The following DRC11 variants were observed in gnomAD, a reference collection of about 807,000 sequenced individuals.
DRC11 encodes dynein regulatory complex subunit 11, also known as IQ and AAA domain-containing protein 1.
the DRC11 span, among the ~76,000 whole-genome samples, chr2:236,445,917 G>C: frequency 6.6e-6 from 1 of 152,210 alleles, no homozygotes; most frequent in Non-Finnish European, 1.5e-5. The surrounding 1 kb of genome is among the most constrained non-coding windows in gnomAD (Gnocchi z 4.8). Flanking sequence ...CCCGTGGGTG[G>C]CTAGAAGGCC....
the DRC11 span, among the ~76,000 whole-genome samples, chr2:236,439,911 G>A: frequency 9.2e-5 from 14 of 152,008 alleles, no homozygotes; most frequent in Non-Finnish European, 4.4e-5. Flanking sequence ...TCATTATTAA[G>A]AAAAACTAAA....
At chr2:236,358,087 A>T in the DRC11 span, among the ~76,000 whole-genome samples, 1 of 121,010 alleles carries the variant, frequency 8.3e-6, no homozygotes, top group South Asian at 2.5e-4. Context: ...TAATATATAG[A>T]TATATACCAT....
At chr2:236,318,640 TTGTA>T in the DRC11 span, among the ~76,000 whole-genome samples, 26,174 of 150,862 alleles carry the variant, frequency 0.17, 2,429 homozygotes, top group Middle Eastern at 0.22. This position sits in a 1 kb window ranked among gnomAD's most constrained non-coding sequence, Gnocchi z 7.0. Context: ...TCGTTTGTGT[TTGTA>T]TGTGTGCATG....
the DRC11 span, among the ~76,000 whole-genome samples, chr2:236,382,740 T>C: frequency 6.6e-6 from 1 of 152,214 alleles, no homozygotes; most frequent in Admixed American, 6.5e-5. Context: ...GTCTATGTAT[T>C]CATTGATGAT....
chr2:236,358,553 C>T, the DRC11 span, among the ~76,000 whole-genome samples: 7 of 144,934 alleles, frequency 4.8e-5, no homozygotes, highest in South Asian at 4.4e-4. Context: ...CTACCACCCC[C>T]GCCACCCCCC....
the DRC11 span, among the ~76,000 whole-genome samples, chr2:236,370,518 G>C: frequency 2.6e-5 from 4 of 152,000 alleles, no homozygotes; most frequent in Admixed American, 6.5e-5. The surrounding 1 kb of genome is among the most constrained non-coding windows in gnomAD (Gnocchi z 5.5). Context: ...AGGTCTGGGG[G>C]GCCTTCATGG....
the DRC11 span, among the ~76,000 whole-genome samples, chr2:236,478,662 G>T: frequency 6.6e-6 from 1 of 152,100 alleles, no homozygotes; most frequent in African/African-American, 2.4e-5. The surrounding 1 kb of genome is among the most constrained non-coding windows in gnomAD (Gnocchi z 5.9). Flanking sequence ...TTGTATTGCA[G>T]TATATCTCTC....
At chr2:236,358,398 C>A in the DRC11 span, among the ~76,000 whole-genome samples, 193 of 126,998 alleles carry the variant, frequency 1.5e-3, no homozygotes, top group Middle Eastern at 5.0e-3. Flanking sequence ...ATATGAATAT[C>A]ATATATAAAT....
the DRC11 span, among the ~76,000 whole-genome samples, chr2:236,309,792 G>C: frequency 7.8e-6 from 1 of 128,742 alleles, no homozygotes; most frequent in Non-Finnish European, 1.5e-5. The surrounding 1 kb of genome is among the most constrained non-coding windows in gnomAD (Gnocchi z 5.7). Flanking sequence ...ACTGGACCCC[G>C]GGCAGGTGCC....
the DRC11 span, among the ~76,000 whole-genome samples, chr2:236,428,057 T>C: frequency 6.6e-6 from 1 of 152,172 alleles, no homozygotes; most frequent in Non-Finnish European, 1.5e-5. Flanking sequence ...TTTTTCCTTT[T>C]ATTGTTCCTG....
chr2:236,328,771 C>T, the DRC11 span, among the ~76,000 whole-genome samples: 53 of 152,270 alleles, frequency 3.5e-4, no homozygotes, highest in African/African-American at 1.1e-3. This position sits in a 1 kb window ranked among gnomAD's most constrained non-coding sequence, Gnocchi z 6.7. Flanking sequence ...TAATGAAGTT[C>T]GCTTTGGGGA....
the DRC11 span, chr2:236,408,209 C>T: frequency 3.5e-5 from 27 of 771,754 alleles, no homozygotes; most frequent in Admixed American, 8.6e-5. This position sits in a 1 kb window ranked among gnomAD's most constrained non-coding sequence, Gnocchi z 5.5. Flanking sequence ...TAGCCCTGGC[C>T]GATCTTAGAG....
the DRC11 span, among the ~76,000 whole-genome samples, chr2:236,416,721 T>TA: frequency 3.1e-5 from 2 of 64,248 alleles, no homozygotes; most frequent in Non-Finnish European, 5.8e-5. Context: ...ATATATATAT[T>TA]TATATATATA....
the DRC11 span, among the ~76,000 whole-genome samples, chr2:236,490,225 C>CTT: frequency 2.0e-5 from 3 of 152,202 alleles, no homozygotes; most frequent in Admixed American, 1.3e-4. This position sits in a 1 kb window ranked among gnomAD's most constrained non-coding sequence, Gnocchi z 5.5. Context: ...CAAGAGCAAA[C>CTT]TCCAAGGCTG....
the DRC11 span, chr2:236,391,961 T>C: frequency 4.3e-6 from 7 of 1,609,792 alleles, no homozygotes; most frequent in Non-Finnish European, 6.0e-6. The surrounding 1 kb of genome is among the most constrained non-coding windows in gnomAD (Gnocchi z 4.5). Flanking sequence ...CTCTGCAGGC[T>C]CCTTCCCCAC....
At chr2:236,477,335 A>G in the DRC11 span, among the ~76,000 whole-genome samples, 1 of 152,244 alleles carries the variant, frequency 6.6e-6, no homozygotes, top group Non-Finnish European at 1.5e-5. Flanking sequence ...GTAAGCGAGA[A>G]AAAAGAAAAT....
At chr2:236,402,009 C>T in the DRC11 span, among the ~76,000 whole-genome samples, 3 of 152,226 alleles carry the variant, frequency 2.0e-5, no homozygotes, top group African/African-American at 7.2e-5. The surrounding 1 kb of genome is among the most constrained non-coding windows in gnomAD (Gnocchi z 6.0). Flanking sequence ...CATGAGAATA[C>T]AACACAACCA....
chr2:236,447,206 A>T, the DRC11 span, among the ~76,000 whole-genome samples: 1 of 151,614 alleles, frequency 6.6e-6, no homozygotes, highest in Non-Finnish European at 1.5e-5. This position sits in a 1 kb window ranked among gnomAD's most constrained non-coding sequence, Gnocchi z 4.6. Flanking sequence ...TCATAGTCAC[A>T]TGCAGACGTC....
At chr2:236,380,661 A>T in the DRC11 span, 37 of 1,510,390 alleles carry the variant, frequency 2.4e-5, no homozygotes, top group East Asian at 4.9e-4. This position sits in a 1 kb window ranked among gnomAD's most constrained non-coding sequence, Gnocchi z 4.9. Flanking sequence ...GAAATAACCA[A>T]CAATTTAGTC....
Sources: gnomAD v4.1 joint callset for allele counts (sites outside exome capture counted in the v4.1 genomes callset) on GRCh38, gnomAD v4.1.1 for gene constraint, Gnocchi (gnomAD v3.1) non-coding constraint, MANE v1.5 for transcripts, NCBI Gene and HGNC (gene_info 2026-07-23, HGNC 2026-07-21) for gene names.